The following TGFBR1 variants were observed in gnomAD, a reference collection of about 807,000 sequenced individuals.
The protein encoded by TGFBR1 is transforming growth factor beta receptor 1.
TGFBR1 carries 20 observed loss-of-function variants against 55.1 expected under a neutral mutation model. The ratio of observed to expected loss-of-function variants is 0.36; its 90% CI spans 0.26 to 0.53. The LOEUF (loss-of-function observed/expected upper bound fraction) is 0.53, where lower values mean the gene tolerates loss of function less well. Ranked by LOEUF, TGFBR1 falls within the 20% of genes least tolerant of loss-of-function variation. The probability of loss-of-function intolerance (pLI) is 0.91; values close to 1 mark genes in which losing one functional copy is unlikely to be tolerated. For synonymous variants in TGFBR1, 220 were observed against 214.8 expected, an observed-to-expected ratio of 1.02 and a Z score of -0.21; for missense variants, 385 against 617.6, an observed-to-expected ratio of 0.62 and a Z score of 3.99.
intron 1 of TGFBR1, among the ~76,000 whole-genome samples, chr9:99,106,840 G>A (rs149399169): frequency 2.6e-5 from 4 of 152,242 alleles, no homozygotes; most frequent in African/African-American, 7.2e-5. Flanking sequence ...GCTTCATTCC[G>A]ACTCTTAGCA....
chr9:99,124,651 C>T (rs770405138), intron 1 of TGFBR1, among the ~76,000 whole-genome samples: 2 of 152,058 alleles, frequency 1.3e-5, no homozygotes, highest in Non-Finnish European at 2.9e-5. Flanking sequence ...TTTCCCTAAA[C>T]GATCTTGCCG....
chr9:99,105,097 G>A (rs1826360844), upstream of TGFBR1: 2 of 902,756 alleles, frequency 2.2e-6, no homozygotes, highest in African/African-American at 1.8e-5. Flanking sequence ...ACAAAGGGCC[G>A]GAGCGAGGCC....
Position 99,132,034 on chromosome 9 carries a change from G to A in TGFBR1, c.344-475G>A, listed in dbSNP as rs79947583. Among the ~76,000 whole-genome samples, 312 of 151,558 alleles carry A rather than the reference G, an allele frequency of 2.1e-3. 5 individuals are homozygous for A. In the East Asian group the frequency reaches 0.032, roughly 16 times the overall value. On this transcript the variant is annotated intron_variant, in intron 2 of 8. Transcript: ENST00000374994. Reference sequence around the variant, plus strand: ...TGAGTTGTTTAGAAGTGATGAAGATGTATGTGGTTTTTTTTTTCGCTTGTT... The same window carrying A: ...TGAGTTGTTTAGAAGTGATGAAGATATATGTGGTTTTTTTTTTCGCTTGTT...
At chr9:99,126,075 A>G (rs1392980625) in intron 1 of TGFBR1, among the ~76,000 whole-genome samples, 2 of 152,214 alleles carry the variant, frequency 1.3e-5, no homozygotes, top group Non-Finnish European at 2.9e-5. Flanking sequence ...TAGAGCACAT[A>G]ATGGCAAAGA....
chr9:99,114,541 A>G (rs1163634571), intron 1 of TGFBR1, among the ~76,000 whole-genome samples: 1 of 152,170 alleles, frequency 6.6e-6, no homozygotes, highest in African/African-American at 2.4e-5. Context: ...TTTAACACGT[A>G]TTGAGGGTTC....
In TGFBR1 at chr9:99,113,776, G is replaced by C. The variant is rs370415631; in HGVS notation, c.97+8474G>C. Among the ~76,000 whole-genome samples, 3 of 152,274 alleles carry C rather than the reference G, an allele frequency of 2.0e-5. No homozygotes were observed. In the East Asian group the frequency reaches 5.8e-4, roughly 29 times the overall value. ...GTGTAATGAAGAACTAGAATTAATT[G>C]GTAGACTGAAAGGCAGAATTCAGCT... On this transcript the variant is annotated intron_variant, in intron 1 of 8. Coordinates refer to ENST00000374994, the MANE Select transcript of TGFBR1 (RefSeq NM_004612.4).
intron 1 of TGFBR1, among the ~76,000 whole-genome samples, chr9:99,120,367 C>CA: frequency 6.6e-6 from 1 of 152,150 alleles, no homozygotes; most frequent in East Asian, 1.9e-4. Context: ...TTTTAGCACT[C>CA]ACCTTTAGAC....
At chr9:99,117,256 T>A (rs1281963236) in intron 1 of TGFBR1, among the ~76,000 whole-genome samples, 3 of 148,148 alleles carry the variant, frequency 2.0e-5, no homozygotes, top group Non-Finnish European at 4.5e-5. Flanking sequence ...CCTGGCTATT[T>A]TTTTTTTTTT....
At chr9:99,105,502 G>C (rs1826383825) in intron 1 of TGFBR1, among the ~76,000 whole-genome samples, 200 bp downstream of exon 1, 3 of 150,484 alleles carry the variant, frequency 2.0e-5, no homozygotes, top group Non-Finnish European at 4.4e-5. Flanking sequence ...GGCGGGGCAG[G>C]GGCGTGTGTC....
At chr9:99,113,239 AAG>A (rs754355483) in intron 1 of TGFBR1, among the ~76,000 whole-genome samples, 8 of 152,174 alleles carry the variant, frequency 5.3e-5, no homozygotes, top group African/African-American at 9.7e-5. Context: ...GCTGAGATAA[AAG>A]AGAGGAAGTT....
chr9:99,151,395 T>A lies in TGFBR1; in HGVS notation c.*2090T>A, dbSNP rs201152885. On this transcript the variant is annotated 3_prime_UTR_variant, in exon 9 of 9. Coordinates refer to ENST00000374994, the MANE Select transcript of TGFBR1 (RefSeq NM_004612.4). ...TACTTTTTTTGTGGGGGTTTTTTTTTTGTTTTTTTTTTTTTGTTGTTGTTT... is the reference window on the plus strand; with the variant it reads ...TACTTTTTTTGTGGGGGTTTTTTTTATGTTTTTTTTTTTTTGTTGTTGTTT... The A allele has an allele frequency of 2.3e-5, 5 of 214,540 alleles. No homozygotes were observed. The South Asian group carries it at 1.0e-3, about 44-fold the overall frequency. The allele number at this position is 214,540 out of a possible 1,614,324, so 13.3% of individuals were successfully genotyped here.
chr9:99,149,092 T>C, intron 8 of TGFBR1, 88 bp from the exon 9 acceptor site: 2 of 1,415,624 alleles, frequency 1.4e-6, no homozygotes, highest in Non-Finnish European at 1.9e-6. Context: ...ATATGTCATT[T>C]AAAAAGAAAA....
At chr9:99,105,324 G>C (rs1242380491) in intron 1 of TGFBR1, 22 bp downstream of exon 1, 1 of 980,984 alleles carries the variant, frequency 1.0e-6, no homozygotes, top group African/African-American at 1.8e-5. Context: ...CGCGGCGGGC[G>C]GGCGACTGCG....
At chr9:99,109,252 G>T (rs1182676160) in intron 1 of TGFBR1, among the ~76,000 whole-genome samples, 1 of 152,108 alleles carries the variant, frequency 6.6e-6, no homozygotes, top group Non-Finnish European at 1.5e-5. Flanking sequence ...GCTGATAAAA[G>T]GACCTGGTAT....
At chr9:99,144,644 G>T (rs1005507926) in intron 5 of TGFBR1, 88 bp from the exon 6 acceptor site, 3 of 1,512,946 alleles carry the variant, frequency 2.0e-6, no homozygotes, top group Non-Finnish European at 2.7e-6. Context: ...GATAATTTGG[G>T]TTGGGAGAAG....
chr9:99,141,433 A>G (rs185138672), intron 4 of TGFBR1, among the ~76,000 whole-genome samples: 12 of 152,340 alleles, frequency 7.9e-5, no homozygotes, highest in Admixed American at 2.0e-4. Context: ...TTTCATGTCA[A>G]TATGGATTTT....
At chr9:99,141,631 C>T (rs989335692) in intron 4 of TGFBR1, among the ~76,000 whole-genome samples, 1 of 152,184 alleles carries the variant, frequency 6.6e-6, no homozygotes, top group African/African-American at 2.4e-5. Flanking sequence ...GTTAGAATGA[C>T]TCTAAGCGTC....
intron 6 of TGFBR1, 30 bp downstream of exon 6, chr9:99,144,918 C>T (rs1192674889): frequency 6.2e-7 from 1 of 1,609,854 alleles, no homozygotes. Context: ...TATTTAATAT[C>T]TTCTGAAATC....
intron 1 of TGFBR1, among the ~76,000 whole-genome samples, chr9:99,105,888 GCCGCCCTGACTC>G (rs1271643902): frequency 6.6e-6 from 1 of 152,240 alleles, no homozygotes; most frequent in Non-Finnish European, 1.5e-5. Context: ...GGGTCCGCAG[GCCGCCCTGACTC>G]CCGCCCGGCT....
Sources: gnomAD v4.1 joint callset for allele counts (sites outside exome capture counted in the v4.1 genomes callset) on GRCh38, gnomAD v4.1.1 for gene constraint, MANE v1.5 for transcripts, NCBI Gene and HGNC (gene_info 2026-07-23, HGNC 2026-07-21) for gene names.